FLI1: variants seen among roughly 807,000 people sequenced by gnomAD.
FLI1 encodes Fli-1 proto-oncogene, ETS transcription factor, also known as Friend leukemia integration 1 transcription factor.
FLI1 carries 13 observed loss-of-function variants against 53.1 expected under a neutral mutation model. That is an observed-to-expected ratio of 0.24 (90% CI 0.16 to 0.39). FLI1 has a LOEUF of 0.39. Ranked by LOEUF, FLI1 falls within the 10% of genes least tolerant of loss-of-function variation. FLI1 has a pLI of 1.00. For missense variants in FLI1, 424 were observed against 600.5 expected, an observed-to-expected ratio of 0.71 and a Z score of 3.07; for synonymous variants, 244 against 236.7, an observed-to-expected ratio of 1.03 and a Z score of -0.28.
chr11:128,788,840 T>G (rs1401333885), intron 5 of FLI1, among the ~76,000 whole-genome samples: 2 of 152,188 alleles, frequency 1.3e-5, no homozygotes, highest in African/African-American at 4.8e-5. Context: ...TGGAGAATCT[T>G]CTCTGCATAG....
At chr11:128,793,464 G>A (rs894277629) in intron 5 of FLI1, among the ~76,000 whole-genome samples, 4 of 152,132 alleles carry the variant, frequency 2.6e-5, no homozygotes, top group Non-Finnish European at 4.4e-5. Flanking sequence ...CCATTGCTCT[G>A]GAATGCCCCA....
At chr11:128,773,264 G>A (rs771981957) in intron 4 of FLI1, among the ~76,000 whole-genome samples, 1 of 152,206 alleles carries the variant, frequency 6.6e-6, no homozygotes, top group Non-Finnish European at 1.5e-5. Flanking sequence ...CCATGAGACC[G>A]CCTTTCCAGA....
Position 128,694,130 on chromosome 11 carries a change from A to AG in FLI1, c.-124dup, listed in dbSNP as rs1937905801. ...AGGGGAGTGAGGGCAGGGCGCTCGC[A>AG]GGGGGCACGCAGGGAGGGCCCAGGG... On this transcript the variant is annotated 5_prime_UTR_variant, in exon 1 of 9. Coordinates refer to ENST00000527786, the MANE Select transcript of FLI1 (RefSeq NM_002017.5). 3.2e-6 allele frequency: 3 copies of AG among 941,496 alleles called. No individual in the cohort carries two copies. Among genetic ancestry groups the AG allele is most frequent in the Non-Finnish European group, 3.0e-6 (2 of 660,210 alleles). The allele number at this position is 941,496 out of a possible 1,614,324, so 58.3% of individuals were successfully genotyped here.
chr11:128,805,683 C>T (rs1409273418), intron 6 of FLI1: 2 of 463,816 alleles, frequency 4.3e-6, no homozygotes, highest in East Asian at 7.5e-5. Context: ...TGAAGGTTTT[C>T]TTGAGACAAG....
intron 1 of FLI1, among the ~76,000 whole-genome samples, chr11:128,698,257 T>C (rs1368332410): frequency 6.6e-6 from 1 of 152,206 alleles, no homozygotes; most frequent in Non-Finnish European, 1.5e-5. Context: ...TGCCTCCCTC[T>C]ACCACACACA....
At chr11:128,765,749 G>A (rs1477583783) in intron 2 of FLI1, among the ~76,000 whole-genome samples, 1 of 152,210 alleles carries the variant, frequency 6.6e-6, no homozygotes, top group Non-Finnish European at 1.5e-5. Context: ...GCAGGGAAAG[G>A]CTGCCAGACC....
chr11:128,740,442 G>A (rs74847685), intron 1 of FLI1, among the ~76,000 whole-genome samples: 8,625 of 152,266 alleles, frequency 0.057, 801 homozygotes, highest in African/African-American at 0.2. Flanking sequence ...GCCAAAGAAC[G>A]AGACCCCATA....
At chr11:128,708,501 G>A (rs1255106640) in intron 1 of FLI1, among the ~76,000 whole-genome samples, 4 of 152,088 alleles carry the variant, frequency 2.6e-5, no homozygotes, top group Non-Finnish European at 5.9e-5. Flanking sequence ...ACCGGCTTGG[G>A]TAGTCTGAGT....
chr11:128,714,977 G>A (rs1486310732), intron 1 of FLI1, among the ~76,000 whole-genome samples: 1 of 152,126 alleles, frequency 6.6e-6, no homozygotes, highest in African/African-American at 2.4e-5. Context: ...AAAGTGCTGG[G>A]ATGACAGGGG....
chr11:128,744,551 C>T (rs118125670), intron 1 of FLI1, among the ~76,000 whole-genome samples: 1,585 of 152,306 alleles, frequency 0.01, 15 homozygotes, highest in Non-Finnish European at 0.018. Flanking sequence ...TCCAAGGTCA[C>T]AAGACTGGCA....
intron 1 of FLI1, among the ~76,000 whole-genome samples, chr11:128,709,350 G>A (rs1297861531): frequency 6.6e-6 from 1 of 152,180 alleles, no homozygotes; most frequent in African/African-American, 2.4e-5. Flanking sequence ...GATAATAAAT[G>A]TAACTTAAAT....
intron 3 of FLI1, among the ~76,000 whole-genome samples, chr11:128,771,522 A>T (rs929908313): frequency 6.6e-6 from 1 of 152,192 alleles, no homozygotes; most frequent in African/African-American, 2.4e-5. Context: ...CTTGCCCCAC[A>T]TCCACTCCTA....
In FLI1 at chr11:128,772,868, T is replaced by C; in HGVS notation, c.472T>C (p.Phe158Leu). The C allele has an allele frequency of 6.2e-7, 1 of 1,613,368 alleles. No individual in the cohort carries two copies. The highest frequency in any genetic ancestry group is 1.3e-5 in the African/African-American group (1 of 75,020). Residue 158 changes from phenylalanine to leucine, a missense_variant, in exon 4 of 9, where the codon TTT (phenylalanine) becomes CTT (leucine). Physicochemically the swap from Phe to Leu is conservative, Grantham distance 22 (BLOSUM62 0). Coordinates refer to ENST00000527786, the MANE Select transcript of FLI1 (RefSeq NM_002017.5). Reference sequence around the variant, plus strand: ...CAGCTTGATGGAGATCGACACATCCTTTTTCCAGAACATGGATGGCAAGGA... The same window carrying C: ...CAGCTTGATGGAGATCGACACATCCCTTTTCCAGAACATGGATGGCAAGGA... ...EYSLMEIDTSFFQNMDGKELC... is the reference protein window; with the variant it reads ...EYSLMEIDTSLFQNMDGKELC...
At chr11:128,717,175 C>T (rs920101164) in intron 1 of FLI1, among the ~76,000 whole-genome samples, 6 of 152,032 alleles carry the variant, frequency 3.9e-5, no homozygotes, top group African/African-American at 9.7e-5. Context: ...CAGCTTCAAG[C>T]GATGGGGAGA....
At chr11:128,713,706 G>C (rs535527487) in intron 1 of FLI1, among the ~76,000 whole-genome samples, 1 of 152,222 alleles carries the variant, frequency 6.6e-6, no homozygotes, top group East Asian at 1.9e-4. Context: ...AGGGCACAAC[G>C]TGGGGACCTA....
At chr11:128,784,443 TC>T (rs748375758) in intron 5 of FLI1, among the ~76,000 whole-genome samples, 3 of 152,148 alleles carry the variant, frequency 2.0e-5, no homozygotes, top group Non-Finnish European at 4.4e-5. Context: ...AACTGTAGTA[TC>T]CAGGCAAACA....
intron 1 of FLI1, among the ~76,000 whole-genome samples, chr11:128,741,864 G>C (rs551902270): frequency 6.6e-6 from 1 of 152,262 alleles, no homozygotes; most frequent in East Asian, 1.9e-4. Flanking sequence ...TGGTTTCTGG[G>C]ATGCTGAGTG....
chr11:128,760,520 C>CT (rs1179242159), intron 2 of FLI1, among the ~76,000 whole-genome samples: 1,423 of 103,558 alleles, frequency 0.014, 5 homozygotes, highest in Non-Finnish European at 0.019. Context: ...GTGGAGATTC[C>CT]TTTTTTTTTT....
intron 1 of FLI1, among the ~76,000 whole-genome samples, chr11:128,695,528 A>G (rs1304179786): frequency 6.6e-6 from 1 of 152,250 alleles, no homozygotes; most frequent in Non-Finnish European, 1.5e-5. Flanking sequence ...AGAGAATTCA[A>G]GAGATTTTTA....
Sources: allele counts gnomAD v4.1 joint callset (sites outside exome capture counted in the v4.1 genomes callset), GRCh38; gene constraint gnomAD v4.1.1; transcripts MANE v1.5; gene names NCBI Gene and HGNC (gene_info 2026-07-23, HGNC 2026-07-21).